MEG3: variants seen among roughly 807,000 people sequenced by gnomAD.
MEG3 encodes the protein Very putative protein from MEG3 locus.
chr14:100,851,502 C>CAAG (rs1595298797), intron 3 of MEG3: 1 of 152,222 alleles, frequency 6.6e-6, no homozygotes, highest in African/African-American at 2.4e-5. Flanking sequence ...GAGCCCTGGG[C>CAAG]AAGCCACCAG....
chr14:100,831,137 T>C (rs985601930), downstream of MEG3: 2 of 152,918 alleles, frequency 1.3e-5, no homozygotes, highest in African/African-American at 4.8e-5. Flanking sequence ...TTTGCAACCG[T>C]CCATTCATTT....
intron 3 of MEG3, chr14:100,846,072 T>C (rs949086588): frequency 6.6e-6 from 1 of 152,298 alleles, no homozygotes; most frequent in Admixed American, 6.5e-5. Flanking sequence ...TCAAGTTCTT[T>C]ATTGTTTGGG....
chr14:100,833,259 A>G (rs2037448665), downstream of MEG3: 1 of 152,250 alleles, frequency 6.6e-6, no homozygotes, highest in South Asian at 2.1e-4. Flanking sequence ...CGGAATCAGA[A>G]CTTGTAGTTC....
At chr14:100,834,671 C>T (rs552877127) in exon 1 of MEG3, 14 of 456,538 alleles carry the variant, frequency 3.1e-5, no homozygotes, top group East Asian at 1.4e-4. Flanking sequence ...TGACCAGCCC[C>T]GTGTCTCCTC....
At chr14:100,851,212 T>A (rs957502864) in intron 3 of MEG3, 1 of 152,342 alleles carries the variant, frequency 6.6e-6, no homozygotes, top group African/African-American at 2.4e-5. Flanking sequence ...CAGGAAGGGC[T>A]TGGACCCTGA....
At chr14:100,832,692 T>A (rs1188268516), downstream of MEG3, 6 of 152,586 alleles carry the variant, frequency 3.9e-5, no homozygotes, top group Admixed American at 2.6e-4. Flanking sequence ...AAGCCACACT[T>A]CTAATTTTGG....
At chr14:100,831,717 C>G (rs573372141), downstream of MEG3, 3 of 152,176 alleles carry the variant, frequency 2.0e-5, no homozygotes, top group African/African-American at 7.2e-5. Context: ...AACTTGCACA[C>G]CCAGGTCTCT....
rs1486314855 is a variant in MEG3, at chr14:100,845,436, A to G, written n.3046-22A>G. ...GGCCTGAGTGAGGTTCTACTCTGTG[A>G]CCTAGTGCCTTCTTGTTACAGCGGA... On this transcript the variant is annotated intron_variant and non_coding_transcript_variant, in intron 2 of 3. Coordinates refer to the MEG3 transcript ENST00000398461. This position sits in a 1 kb window ranked among gnomAD's most constrained non-coding sequence, Gnocchi z 5.2. 8.8e-6 allele frequency: 4 copies of G among 456,030 alleles called. No individual in the cohort carries two copies. Among genetic ancestry groups the G allele is most frequent in the South Asian group, 6.2e-5 (4 of 64,458 alleles). 28.2% of individuals were successfully genotyped at this position (456,030 alleles called of 1,614,324 possible). A position where few individuals can be genotyped will look rare whatever the true frequency, so the allele number is the denominator to read the frequency against.
chr14:100,836,142 T>A (rs1177014037), intron 1 of MEG3: 1 of 440,618 alleles, frequency 2.3e-6, no homozygotes, highest in Admixed American at 2.7e-5. Context: ...CTTGCCATGA[T>A]TCTAACTCTC....
At chr14:100,830,374 C>CAA (rs1157669404), downstream of MEG3, 1 of 148,060 alleles carries the variant, frequency 6.8e-6, no homozygotes, top group African/African-American at 2.6e-5. Context: ...CACACACACA[C>CAA]ACACACACAC....
intron 1 of MEG3, among the ~76,000 whole-genome samples, chr14:100,827,002 G>A (rs2037252745): frequency 6.6e-6 from 1 of 151,826 alleles, no homozygotes; most frequent in South Asian, 2.1e-4. Flanking sequence ...AGAAGGCCGT[G>A]TCCTTGGGTC....
chr14:100,852,372 A>G (rs761779275), upstream of MEG3: 1 of 533,914 alleles, frequency 1.9e-6, no homozygotes. Flanking sequence ...AAGGCGGAGG[A>G]CATGGAATTC....
At chr14:100,839,584 T>C (rs1354819164) in intron 2 of MEG3, among the ~76,000 whole-genome samples, 2 of 152,092 alleles carry the variant, frequency 1.3e-5, no homozygotes, top group African/African-American at 2.4e-5. Flanking sequence ...CCACAGGTTC[T>C]TGGGGGAGTC....
intron 2 of MEG3, among the ~76,000 whole-genome samples, chr14:100,841,626 G>GAC (rs1189130593): frequency 1.3e-5 from 2 of 151,508 alleles, no homozygotes; most frequent in Non-Finnish European, 2.9e-5. Flanking sequence ...GCTCCTGTGT[G>GAC]ACCTGTGTGG....
upstream of MEG3, chr14:100,852,702 G>T (rs1472199455): frequency 7.6e-6 from 2 of 263,090 alleles, no homozygotes; most frequent in Non-Finnish European, 1.5e-5. Context: ...GTCAGCAGAG[G>T]CTCAGGAAGA....
chr14:100,834,614 C>A (rs1164678929), exon 1 of MEG3: 1 of 449,348 alleles, frequency 2.2e-6, no homozygotes, highest in African/African-American at 2.0e-5. Flanking sequence ...ATATCTCCCT[C>A]TCTTTGTCCC....
At chr14:100,848,288 A>G in intron 3 of MEG3, 1 of 152,230 alleles carries the variant, frequency 6.6e-6, no homozygotes, top group Non-Finnish European at 1.5e-5. Flanking sequence ...TCAACTAAGG[A>G]ACGGCTCAAA....
At chr14:100,834,307 A>C (rs540784150) in exon 1 of MEG3, 3 of 194,864 alleles carry the variant, frequency 1.5e-5, no homozygotes, top group Non-Finnish European at 3.2e-5. Flanking sequence ...CCCCAAAGCC[A>C]CTGTTAGTGC....
At chr14:100,852,366 C>T (rs774303332), upstream of MEG3, 4 of 533,544 alleles carry the variant, frequency 7.5e-6, no homozygotes, top group East Asian at 5.4e-5. Context: ...ATTTGGAAGG[C>T]GGAGGACATG....
Sources: gnomAD v4.1 joint callset for allele counts (sites outside exome capture counted in the v4.1 genomes callset) on GRCh38, gnomAD v4.1.1 for gene constraint, Gnocchi (gnomAD v3.1) non-coding constraint, MANE v1.5 for transcripts, NCBI Gene and HGNC (gene_info 2026-07-23, HGNC 2026-07-21) for gene names.